The following USP6 variants were observed in gnomAD, a reference collection of about 807,000 sequenced individuals.
USP6 encodes ubiquitin carboxyl-terminal hydrolase 6.
USP6 carries 128 observed loss-of-function variants against 175.7 expected under a neutral mutation model. The ratio of observed to expected loss-of-function variants is 0.73; its 90% confidence interval spans 0.63 to 0.84. The LOEUF (loss-of-function observed/expected upper bound fraction) is 0.84. USP6 is among the 40% of genes least tolerant of loss of function. The pLI, the probability that USP6 is intolerant of heterozygous loss-of-function variation, is 0.00. For synonymous variants in USP6, 562 were observed against 630.6 expected, an observed-to-expected ratio of 0.89 and a Z score of 1.63; for missense variants, 1,498 against 1,760.3, an observed-to-expected ratio of 0.85 and a Z score of 2.67.
In USP6 at chr17:5,170,630, G is replaced by A. The variant is rs907735666; in HGVS notation, c.3669G>A (p.Lys1223=). ...GSKNKPSSSK[K]NLDASKENGA... ...AAAATAAGCCGTCAAGTAGTAAGAA[G>A]AACTTGGATGCCAGCAAAGAGAATG... Residue 1223 remains lysine, a synonymous_variant, in exon 36 of 38, where the codon AAG becomes AAA. Coordinates refer to ENST00000574788, the MANE Select transcript of USP6 (RefSeq NM_001304284.2). 1.9e-6 allele frequency: 3 copies of A among 1,613,662 alleles called. No homozygotes were observed. In the African/African-American group the frequency reaches 4.0e-5, roughly 22 times the overall value.
chr17:5,126,802 G>A (rs2072908906), intron 6 of USP6: 1 of 152,336 alleles, frequency 6.6e-6, no homozygotes, highest in Non-Finnish European at 1.5e-5. Flanking sequence ...CACGGCACAA[G>A]CACAGGGCTG....
intron 9 of USP6, 83 bp downstream of exon 9, chr17:5,130,172 C>T: frequency 1.7e-6 from 1 of 590,538 alleles, no homozygotes; most frequent in Non-Finnish European, 3.0e-6. Flanking sequence ...GGAAGATGCC[C>T]ACCCCTGCTT....
At chr17:5,164,879 A>G (rs1410986501) in intron 33 of USP6, among the ~76,000 whole-genome samples, 1 of 152,212 alleles carries the variant, frequency 6.6e-6, no homozygotes, top group Non-Finnish European at 1.5e-5. Context: ...ATACTCTGTA[A>G]TTACTCCATA....
rs1338204757 is a variant in USP6 at position 5,138,225 on chromosome 17, G to C, written c.1030G>C (p.Ala344Pro). Residue 344 changes from alanine to proline, a missense_variant, in exon 21 of 38, where the codon GCC (alanine) becomes CCC (proline). This residue lies in a region of USP6 where 1,217 missense variants were observed against 1,500.8 expected (regional missense o/e 0.81). Coordinates refer to ENST00000574788, the MANE Select transcript of USP6 (RefSeq NM_001304284.2). ...TGACACCGTGCTCAAGCATCTTAGG[G>C]CCTCTACGAAGAAACTAACAAGGAA... ...NDDTVLKHLR[A>P]STKKLTRKQG... 6.2e-7 allele frequency: 1 copy of C among 1,613,888 alleles called. No individual in the cohort carries two copies. Among genetic ancestry groups the C allele is most frequent in the African/African-American group, 1.3e-5 (1 of 74,894 alleles).
At position 5,170,539 on chromosome 17, in the gene USP6, C is replaced by T. The variant is rs1211875535; in HGVS notation, c.3578C>T (p.Pro1193Leu). The T allele has an allele frequency of 2.2e-5, 35 of 1,611,822 alleles. No individual in the cohort carries two copies. The highest frequency in any genetic ancestry group is 2.9e-5 in the Non-Finnish European group (34 of 1,179,758). Residue 1193 changes from proline to leucine, a missense_variant, in exon 36 of 38, where the codon CCT (proline) becomes CTT (leucine). Physicochemically the swap from Pro to Leu is moderately conservative, Grantham distance 98. Coordinates refer to ENST00000574788, the MANE Select transcript of USP6 (RefSeq NM_001304284.2). ...TGTCCCTCCAGCAAAAACAGCAGCCCTAATAGCAGCCCACGGACTTTGGGG... is the reference window on the plus strand; with the variant it reads ...TGTCCCTCCAGCAAAAACAGCAGCCTTAATAGCAGCCCACGGACTTTGGGG... ...TSCPSSKNSS[P>L]NSSPRTLGRS...
At chr17:5,130,716 A>G (rs764728066) in intron 11 of USP6, 32 bp downstream of exon 11, 3 of 1,611,470 alleles carry the variant, frequency 1.9e-6, no homozygotes, top group Non-Finnish European at 2.5e-6. Context: ...CCTCACCCCT[A>G]AAGCAGCTGT....
chr17:5,162,438 A>T (rs541113120), intron 32 of USP6, among the ~76,000 whole-genome samples: 11 of 152,310 alleles, frequency 7.2e-5, no homozygotes, highest in Non-Finnish European at 1.5e-4. Flanking sequence ...ATGAGACACC[A>T]TGCCCAGCCT....
intron 14 of USP6, 70 bp downstream of exon 14, chr17:5,133,620 C>A: frequency 4.5e-6 from 5 of 1,103,974 alleles, no homozygotes; most frequent in Non-Finnish European, 6.7e-6. Flanking sequence ...CTGGAGGGAA[C>A]GTCAAGCCCA....
intron 22 of USP6, 140 bp downstream of exon 22, chr17:5,139,814 T>C: frequency 6.3e-7 from 1 of 1,594,830 alleles, no homozygotes; most frequent in Non-Finnish European, 8.5e-7. Flanking sequence ...TTCAGGGCCT[T>C]GCCTCTGCCA....
At position 5,164,445 on chromosome 17, in the gene USP6, T is replaced by A. The variant is rs1259324553; in HGVS notation, c.3036+1441T>A. 1.6e-3 allele frequency among the ~76,000 whole-genome samples: 245 copies of A among 152,392 alleles called. 1 individual carries two copies. The highest frequency in any genetic ancestry group is 2.1e-3 in the Non-Finnish European group (141 of 68,038). On this transcript the variant is annotated intron_variant, in intron 33 of 37. Transcript: ENST00000574788. ...AAGGAGGGAAAATTTTACGAGTTGA[T>A]AGATTCATAAATCTTTGTTAGCACA...
chr17:5,170,185 T>TG (rs1215765399), intron 35 of USP6, among the ~76,000 whole-genome samples: 3 of 152,336 alleles, frequency 2.0e-5, no homozygotes, highest in Non-Finnish European at 2.9e-5. Context: ...CTCTAATAGT[T>TG]GGATTTTTTT....
At chr17:5,130,117 G>C in intron 9 of USP6, 28 bp downstream of exon 9, 1 of 511,970 alleles carries the variant, frequency 2.0e-6, no homozygotes, top group Non-Finnish European at 3.5e-6. Flanking sequence ...GGCATATGGG[G>C]ACAACCGGAT....
chr17:5,146,055 T>TATGG lies in USP6; in HGVS notation c.2202_2205dup (p.Leu736TrpfsTer8). 6.2e-7 allele frequency: 1 copy of TATGG among 1,612,104 alleles called. No individual in the cohort carries two copies. The highest frequency in any genetic ancestry group is 1.1e-5 in the South Asian group (1 of 90,764). On this transcript the variant is annotated frameshift_variant, in exon 28 of 38. Coordinates refer to ENST00000574788, the MANE Select transcript of USP6 (RefSeq NM_001304284.2). LOFTEE classifies it high-confidence loss of function. Reference sequence around the variant, plus strand: ...GTTAGATGGTACTACCCCTGTACGGTATGGACTAAGACTGAATATGGATGA... The same window carrying TATGG: ...GTTAGATGGTACTACCCCTGTACGGTATGGATGGACTAAGACTGAATATGGATGA...
At chr17:5,169,203 T>G in intron 35 of USP6, 148 bp downstream of exon 35, 1 of 1,002,102 alleles carries the variant, frequency 1.0e-6, no homozygotes, top group Non-Finnish European at 1.4e-6. Context: ...CTATGTAAGT[T>G]GTAGCAAGAG....
rs895548086 is a variant in USP6, at chr17:5,174,124, CTTTT to C, written c.*1150_*1153del. 1.0e-5 allele frequency: 2 copies of C among 200,184 alleles called. No individual in the cohort carries two copies. The highest frequency in any genetic ancestry group is 4.6e-5 in the African/African-American group (2 of 43,512). The allele number at this position is 200,184 out of a possible 1,614,324, so 12.4% of individuals were successfully genotyped here. A position where few individuals can be genotyped will look rare whatever the true frequency, so the allele number is the denominator to read the frequency against. On this transcript the variant is annotated 3_prime_UTR_variant, in exon 38 of 38. Coordinates refer to ENST00000574788, the MANE Select transcript of USP6 (RefSeq NM_001304284.2). ...CTGGTTTTTTTATTTTGATATTTGT[CTTTT>C]TTTAAATTTTACAGTAGTCATTGAA...
rs1226535121 is a variant in USP6, at chr17:5,155,506, C to T, written c.2728C>T (p.His910Tyr). The change falls in exon 31 of 38, where the codon CAT becomes TAT. Residue 910 changes from histidine (H) to tyrosine (Y), a missense_variant. Physicochemically the swap from His to Tyr is moderately conservative, Grantham distance 83 (BLOSUM62 2). Coordinates refer to ENST00000574788, the MANE Select transcript of USP6 (RefSeq NM_001304284.2). ...GMPLIVPCTV[H>Y]TRKKDLYDAV... ...GCCATTGATTGTTCCATGCACTGTG[C>T]ATACCCGGAAGAAAGACCTATATGA... 2 of 1,614,128 alleles carry T rather than the reference C, an allele frequency of 1.2e-6. No homozygotes were observed. The highest frequency in any genetic ancestry group is 1.7e-6 in the Non-Finnish European group (2 of 1,180,028).
At chr17:5,161,980 C>T (rs1260262734) in intron 32 of USP6, among the ~76,000 whole-genome samples, 2 of 152,148 alleles carry the variant, frequency 1.3e-5, no homozygotes, top group Admixed American at 6.5e-5. Flanking sequence ...CCATTGCACT[C>T]CAGCCTGGGC....
chr17:5,117,361 C>A (rs1385661803), intron 1 of USP6, among the ~76,000 whole-genome samples: 3 of 151,926 alleles, frequency 2.0e-5, no homozygotes, highest in Admixed American at 6.6e-5. Flanking sequence ...ACAAAAAATA[C>A]AAAAATTAGC....
At chr17:5,130,769 T>A in intron 11 of USP6, 85 bp downstream of exon 11, 1 of 1,522,902 alleles carries the variant, frequency 6.6e-7, no homozygotes, top group Non-Finnish European at 9.1e-7. Context: ...GCCTTTCTGA[T>A]GCAGGACATG....
Sources: allele counts gnomAD v4.1 joint callset (sites outside exome capture counted in the v4.1 genomes callset), GRCh38; gene constraint gnomAD v4.1.1; regional missense constraint gnomAD v4.1.1; transcripts MANE v1.5; gene names NCBI Gene and HGNC (gene_info 2026-07-23, HGNC 2026-07-21).